MYPN: variants seen among roughly 807,000 people sequenced by gnomAD.
MYPN encodes sarcomeric protein myopalladin, 145 kDa (MYOP).
A neutral mutation model predicts 129.4 loss-of-function variants in MYPN; 63 were observed. The ratio of observed to expected loss-of-function variants is 0.49; its 90% CI spans 0.40 to 0.60. The LOEUF is 0.60. Ranked by LOEUF, MYPN falls within the 20% of genes least tolerant of loss-of-function variation. The probability of loss-of-function intolerance (pLI) is 0.00; values close to 1 mark genes in which losing one functional copy is unlikely to be tolerated. For missense variants in MYPN, 1,596 were observed against 1,635.4 expected (o/e 0.98, Z 0.42); for synonymous variants, 629 against 600.9 (o/e 1.05, Z -0.68).
upstream of MYPN, among the ~76,000 whole-genome samples, chr10:68,107,402 A>G (rs1452009159): frequency 7.1e-6 from 1 of 140,278 alleles, no homozygotes. Context: ...GTGCAATGGC[A>G]CCATCTCGGC....
At position 68,142,099 on chromosome 10, in the gene MYPN, G is replaced by A. The variant is rs543188332; in HGVS notation, c.903-841G>A. ...CCACAAGTGGGATTGTTGGGTCCAAGGATATTTGCATCTGTAATTCTGGCA... is the reference window on the plus strand; with the variant it reads ...CCACAAGTGGGATTGTTGGGTCCAAAGATATTTGCATCTGTAATTCTGGCA... On this transcript the variant is annotated intron_variant, in intron 2 of 19. Transcript: ENST00000358913. Among the ~76,000 whole-genome samples the A allele has an allele frequency of 4.6e-5, 7 of 152,324 alleles. No homozygotes were observed. In the South Asian group the frequency reaches 8.3e-4, roughly 18 times the overall value.
Position 68,188,915 on chromosome 10 carries a change from T to G in MYPN, c.2714T>G (p.Ile905Ser). 1 of 1,613,816 alleles carries G rather than the reference T, an allele frequency of 6.2e-7. No homozygotes were observed. Among genetic ancestry groups the G allele is most frequent in the Non-Finnish European group, 8.5e-7 (1 of 1,179,900 alleles). The change falls in exon 13 of 20, where the codon ATT (isoleucine) becomes AGT (serine). Residue 905 changes from isoleucine to serine, a missense_variant. Physicochemically the swap from Ile to Ser is moderately radical, Grantham distance 142 (BLOSUM62 -2). Transcript: ENST00000358913. Reference protein sequence around the residue: ...DVRPNQQEYKISSFEQRLMNE... With the variant: ...DVRPNQQEYKSSSFEQRLMNE... ...TTGTCATTTTGACAGGAGTACAAAATTTCAAGCTTTGAGCAGAGGCTGATG... is the reference window on the plus strand; with the variant it reads ...TTGTCATTTTGACAGGAGTACAAAAGTTCAAGCTTTGAGCAGAGGCTGATG...
intron 6 of MYPN, among the ~76,000 whole-genome samples, chr10:68,151,164 A>G (rs143914841): frequency 7.0e-4 from 106 of 152,212 alleles, no homozygotes; most frequent in East Asian, 7.0e-3. Context: ...AAAATGGGCT[A>G]TTTTTCTAGT....
chr10:68,181,918 G>A (rs1204794748), intron 12 of MYPN, among the ~76,000 whole-genome samples: 2 of 151,964 alleles, frequency 1.3e-5, no homozygotes, highest in Non-Finnish European at 2.9e-5. Context: ...TAAACTTGAG[G>A]TGAAACAAGT....
chr10:68,212,007 C>A lies in MYPN; in HGVS notation c.*1552C>A. 1 of 358,394 alleles carries A rather than the reference C, an allele frequency of 2.8e-6. No individual in the cohort carries two copies. Among genetic ancestry groups the A allele is most frequent in the Non-Finnish European group, 5.5e-6 (1 of 182,962 alleles). The allele number at this position is 358,394 out of a possible 1,614,324, so 22.2% of individuals were successfully genotyped here. A position where few individuals can be genotyped will look rare whatever the true frequency, so the allele number is the denominator to read the frequency against. Reference sequence around the variant, plus strand: ...TTTCCAGCATAAAAATAAATTCATTCACTGGAGAAATCATTTGTATGTCTA... The same window carrying A: ...TTTCCAGCATAAAAATAAATTCATTAACTGGAGAAATCATTTGTATGTCTA... On this transcript the variant is annotated 3_prime_UTR_variant, in exon 20 of 20. Coordinates refer to ENST00000358913, the MANE Select transcript of MYPN (RefSeq NM_032578.4).
chr10:68,148,573 C>A, intron 5 of MYPN, 106 bp downstream of exon 5: 1 of 853,022 alleles, frequency 1.2e-6, no homozygotes, highest in South Asian at 1.4e-5. Context: ...GGTGCAACTC[C>A]ATCATCAGGA....
At chr10:68,090,999 A>T (rs1454236822) in intron 1 of MYPN, among the ~76,000 whole-genome samples, 1 of 152,220 alleles carries the variant, frequency 6.6e-6, no homozygotes. Flanking sequence ...CCAAGAGAGT[A>T]CTAGGTCAGC....
At chr10:68,197,519 A>AT in intron 16 of MYPN, 41 bp downstream of exon 16, 2 of 1,606,566 alleles carry the variant, frequency 1.2e-6, no homozygotes, top group Non-Finnish European at 1.7e-6. Flanking sequence ...ATCTGTTCAT[A>AT]TTTTGTATTT....
chr10:68,130,932 A>G (rs2042400597), intron 2 of MYPN, among the ~76,000 whole-genome samples: 1 of 152,220 alleles, frequency 6.6e-6, no homozygotes, highest in African/African-American at 2.4e-5. Flanking sequence ...ATAAATTGAA[A>G]TTCCATAAAC....
chr10:68,202,355 C>A (rs560660728), intron 18 of MYPN, among the ~76,000 whole-genome samples: 3 of 151,914 alleles, frequency 2.0e-5, no homozygotes, highest in Non-Finnish European at 4.4e-5. Flanking sequence ...ATGGCGTGAA[C>A]CTGGGAGGCG....
At chr10:68,206,983 C>T (rs897508796) in intron 19 of MYPN, 80 bp downstream of exon 19, 1 of 1,545,518 alleles carries the variant, frequency 6.5e-7, no homozygotes, top group Non-Finnish European at 8.8e-7. Context: ...ATGGGTCAGG[C>T]AAGGTGGCTC....
At position 68,165,612 on chromosome 10, in the gene MYPN, A is replaced by C. The variant is rs906370681; in HGVS notation, c.1484-90A>C. 2.4e-5 allele frequency: 24 copies of C among 990,364 alleles called. No homozygotes were observed. The Admixed American group carries it at 4.1e-4, about 17-fold the overall frequency. 61.3% of individuals were successfully genotyped at this position (990,364 alleles called of 1,614,324 possible). On this transcript the variant is annotated intron_variant, in intron 8 of 19. Coordinates refer to ENST00000358913, the MANE Select transcript of MYPN (RefSeq NM_032578.4). ...TTAATATAGCCAGCTTTTTATATTG[A>C]CTTTGTAGAATCATCATCTGATACC...
intron 1 of MYPN, among the ~76,000 whole-genome samples, chr10:68,120,415 G>A (rs1290001730): frequency 6.6e-6 from 1 of 152,152 alleles, no homozygotes; most frequent in Non-Finnish European, 1.5e-5. Context: ...GAAGTCTCCT[G>A]CCAAGCATCA....
At chr10:68,185,156 GGGAGGGAAGGAGGGAA>G (rs566794613) in intron 12 of MYPN, among the ~76,000 whole-genome samples, 49 of 147,462 alleles carry the variant, frequency 3.3e-4, no homozygotes, top group South Asian at 6.5e-4. Context: ...GAGGGAGGGA[GGGAGGGAAGGAGGGAA>G]GGAGGGAAGG....
chr10:68,198,102 C>T (rs933958585), intron 16 of MYPN, among the ~76,000 whole-genome samples: 2 of 152,212 alleles, frequency 1.3e-5, no homozygotes, highest in African/African-American at 4.8e-5. Context: ...AGGAGGACTA[C>T]TATAATTCAG....
At chr10:68,195,318 T>C in intron 14 of MYPN, 132 bp from the exon 15 acceptor site, 1 of 747,046 alleles carries the variant, frequency 1.3e-6, no homozygotes, top group South Asian at 1.5e-5. Context: ...TTTTATTGTT[T>C]TTATTTCTCT....
chr10:68,185,217 G>A lies in MYPN; in HGVS notation c.2704-3688G>A, dbSNP rs182481427. 4.9e-5 allele frequency among the ~76,000 whole-genome samples: 7 copies of A among 142,328 alleles called. No homozygotes were observed. In the East Asian group the frequency reaches 1.4e-3, roughly 29 times the overall value. The allele number at this position is 142,328 out of a possible 152,430, so 93.4% of individuals were successfully genotyped here. ...GGGAAGGAAGGGAGGAAGGGAAGAA[G>A]TGAAAAGAAAAGAAAGGAAAGGAAA... On this transcript the variant is annotated intron_variant, in intron 12 of 19. Coordinates refer to ENST00000358913, the MANE Select transcript of MYPN (RefSeq NM_032578.4).
At chr10:68,141,207 A>G (rs569489413) in intron 2 of MYPN, among the ~76,000 whole-genome samples, 2 of 149,534 alleles carry the variant, frequency 1.3e-5, no homozygotes, top group East Asian at 2.0e-4. Context: ...TGTCTCTACT[A>G]AAAATACAAA....
At chr10:68,198,171 C>T (rs6480313) in intron 16 of MYPN, among the ~76,000 whole-genome samples, 88,247 of 152,094 alleles carry the variant, frequency 0.58, 27,588 homozygotes, top group Non-Finnish European at 0.69. Context: ...TAGATACAAG[C>T]CTTTTCATAT....
Sources: allele counts gnomAD v4.1 joint callset (sites outside exome capture counted in the v4.1 genomes callset), GRCh38; gene constraint gnomAD v4.1.1; transcripts MANE v1.5; gene names NCBI Gene and HGNC (gene_info 2026-07-23, HGNC 2026-07-21).